MREG: variants seen among roughly 807,000 people sequenced by gnomAD.
MREG encodes melanoregulin.
A neutral mutation model predicts 28.5 loss-of-function variants in MREG; 31 were observed. The ratio of observed to expected loss-of-function variants is 1.09; its 90% confidence interval spans 0.82 to 1.47. MREG has a LOEUF of 1.47. MREG is among the 40% of genes most tolerant of loss of function. MREG has a pLI of 0.00. For missense variants in MREG, 256 were observed against 257.4 expected (o/e 0.99, Z 0.04); for synonymous variants, 106 against 95.2 (o/e 1.11, Z -0.66).
downstream of MREG, among the ~76,000 whole-genome samples, chr2:215,942,508 T>G (rs1692211114): frequency 2.0e-5 from 3 of 152,224 alleles, no homozygotes. Flanking sequence ...TTTCAGCCTC[T>G]CTGCCCTTTA....
upstream of MREG, among the ~76,000 whole-genome samples, chr2:216,015,039 G>A (rs1017207123): frequency 6.6e-6 from 1 of 151,972 alleles, no homozygotes; most frequent in African/African-American, 2.4e-5. Flanking sequence ...AATATGTTAG[G>A]AGTCCATATG....
chr2:215,943,400 AGTGCAATACTCCCTGCATAT>A lies in MREG; in HGVS notation c.*1443_*1462del, dbSNP rs1163932245. 2.4e-5 allele frequency: 11 copies of A among 456,712 alleles called. No individual in the cohort carries two copies. The highest frequency in any genetic ancestry group is 1.7e-4 in the South Asian group (11 of 64,556). 28.3% of individuals were successfully genotyped at this position (456,712 alleles called of 1,614,324 possible). A position where few individuals can be genotyped will look rare whatever the true frequency, so the allele number is the denominator to read the frequency against. On this transcript the variant is annotated 3_prime_UTR_variant, in exon 5 of 5. Coordinates refer to ENST00000263268, the MANE Select transcript of MREG (RefSeq NM_018000.3). ...AGAAGAAGGTCCAGCAAAGATCTTC[AGTGCAATACTCCCTGCATAT>A]GTGCAAGTCTGCATGAGAGGTCCCC...
intron 2 of MREG, among the ~76,000 whole-genome samples, chr2:215,995,413 A>G (rs1455869898): frequency 1.3e-5 from 2 of 152,180 alleles, no homozygotes; most frequent in African/African-American, 2.4e-5. Context: ...CTCCTGCTAA[A>G]ATATGTTTTT....
At chr2:215,992,113 A>G (rs1693735464) in intron 2 of MREG, among the ~76,000 whole-genome samples, 1 of 152,204 alleles carries the variant, frequency 6.6e-6, no homozygotes, top group South Asian at 2.1e-4. Flanking sequence ...TTTCAGGCCA[A>G]TCTCCCTGAT....
chr2:216,007,397 G>A (rs1369978225), intron 1 of MREG, among the ~76,000 whole-genome samples: 3 of 140,156 alleles, frequency 2.1e-5, no homozygotes, highest in Non-Finnish European at 3.1e-5. Flanking sequence ...TGATCACTTA[G>A]CAACATTTTA....
At chr2:216,013,195 C>T (rs1298427627) in intron 1 of MREG, 38 bp downstream of exon 1, 9 of 1,534,366 alleles carry the variant, frequency 5.9e-6, no homozygotes, top group Non-Finnish European at 7.9e-6. Context: ...GGCTACGGCC[C>T]AGGTAAGCCC....
chr2:216,010,940 C>T (rs1038384459), intron 1 of MREG, among the ~76,000 whole-genome samples: 3 of 150,908 alleles, frequency 2.0e-5, no homozygotes, highest in Non-Finnish European at 4.4e-5. Flanking sequence ...ACTAAAAATA[C>T]AAAAAATTAG....
intron 2 of MREG, among the ~76,000 whole-genome samples, chr2:215,994,499 G>C (rs528960955): frequency 2.6e-5 from 4 of 151,722 alleles, no homozygotes; most frequent in Middle Eastern, 3.4e-3. Context: ...ACCATGGCAC[G>C]TGTATACCTA....
In MREG at chr2:215,943,267, G is replaced by C. The variant is rs1692227768; in HGVS notation, c.*1596C>G. On this transcript the variant is annotated 3_prime_UTR_variant, in exon 5 of 5. Coordinates refer to ENST00000263268, the MANE Select transcript of MREG (RefSeq NM_018000.3). ...AACATGAACCATGATCTCTTGACAA[G>C]TTCCTTGCTTAAGTGGCAAGTAACT... 3 of 361,642 alleles carry C rather than the reference G, an allele frequency of 8.3e-6. No individual in the cohort carries two copies. The highest frequency in any genetic ancestry group is 6.3e-5 in the African/African-American group (3 of 47,442). 22.4% of individuals were successfully genotyped at this position (361,642 alleles called of 1,614,324 possible). A position where few individuals can be genotyped will look rare whatever the true frequency, so the allele number is the denominator to read the frequency against.
At chr2:215,980,630 G>A (rs1243910944) in intron 2 of MREG, among the ~76,000 whole-genome samples, 2 of 152,106 alleles carry the variant, frequency 1.3e-5, no homozygotes, top group African/African-American at 4.8e-5. Context: ...CAATTTGGAG[G>A]TTAAGAAAAG....
At chr2:216,009,742 G>C (rs62183226) in intron 1 of MREG, among the ~76,000 whole-genome samples, 31,001 of 151,860 alleles carry the variant, frequency 0.2, 3,382 homozygotes, top group Non-Finnish European at 0.25. Flanking sequence ...CACCATGTTG[G>C]CCAGCCTGGT....
chr2:216,015,121 G>A (rs868122231), upstream of MREG, among the ~76,000 whole-genome samples: 1 of 151,832 alleles, frequency 6.6e-6, no homozygotes. Context: ...GTGTGCACGC[G>A]TGTGTGTGCG....
At chr2:215,972,471 C>T (rs936030620) in intron 2 of MREG, among the ~76,000 whole-genome samples, 2 of 151,996 alleles carry the variant, frequency 1.3e-5, no homozygotes, top group Non-Finnish European at 2.9e-5. Context: ...GGTGAAAACC[C>T]ATTTCTACTA....
At chr2:215,978,713 G>A (rs1328279620) in intron 2 of MREG, among the ~76,000 whole-genome samples, 1 of 152,214 alleles carries the variant, frequency 6.6e-6, no homozygotes, top group African/African-American at 2.4e-5. Context: ...TCCCTGGGAT[G>A]CAAGCCTGGT....
At chr2:216,023,889 A>G (rs990965068) in intron 1 of MREG, among the ~76,000 whole-genome samples, 1 of 152,140 alleles carries the variant, frequency 6.6e-6, no homozygotes, top group African/African-American at 2.4e-5. Context: ...GCTGGTCTCA[A>G]ACTCCTGACC....
intron 2 of MREG, among the ~76,000 whole-genome samples, chr2:215,966,689 C>A (rs928753156): frequency 7.9e-5 from 12 of 151,178 alleles, no homozygotes; most frequent in African/African-American, 2.9e-4. Context: ...GCAACCTCTG[C>A]CTCCCAGGTT....
chr2:215,973,678 C>T (rs137890363), intron 2 of MREG, among the ~76,000 whole-genome samples: 5 of 152,234 alleles, frequency 3.3e-5, no homozygotes, highest in South Asian at 2.1e-4. Context: ...CACTCACCAA[C>T]GCTGGCAAAA....
At chr2:215,985,528 G>A (rs1465813160) in intron 2 of MREG, among the ~76,000 whole-genome samples, 1 of 152,096 alleles carries the variant, frequency 6.6e-6, no homozygotes, top group Non-Finnish European at 1.5e-5. Context: ...AAATAATGTT[G>A]TTTTGTATTT....
At chr2:216,030,988 A>C (rs1694679172) in intron 1 of MREG, among the ~76,000 whole-genome samples, 1 of 150,884 alleles carries the variant, frequency 6.6e-6, no homozygotes, top group African/African-American at 2.5e-5. Flanking sequence ...ACACACACAC[A>C]CACACACTCT....
Sources: gnomAD v4.1 joint callset for allele counts (sites outside exome capture counted in the v4.1 genomes callset) on GRCh38, gnomAD v4.1.1 for gene constraint, MANE v1.5 for transcripts, NCBI Gene and HGNC (gene_info 2026-07-23, HGNC 2026-07-21) for gene names.